Variants in CNTNAP4 observed in about 807,000 individuals in gnomAD.
CNTNAP4 encodes contactin-associated protein-like 4.
CNTNAP4 carries 98 observed loss-of-function variants against 148.4 expected under a neutral mutation model. The observed-to-expected ratio is 0.66, with a 90% confidence interval of 0.56 to 0.78. CNTNAP4 has a LOEUF of 0.78. CNTNAP4 is among the 30% of genes least tolerant of loss of function. The pLI is 0.00. For missense variants in CNTNAP4, 1,935 were observed against 1,565.6 expected (o/e 1.24, Z -3.98); for synonymous variants, 730 against 565.1 (o/e 1.29, Z -4.14).
intron 2 of CNTNAP4, among the ~76,000 whole-genome samples, chr16:76,350,624 A>C (rs73625342): frequency 0.011 from 1,710 of 152,336 alleles, 35 homozygotes; most frequent in African/African-American, 0.039. Context: ...CTTTGCTGTG[A>C]TCATAACTCT....
intron 3 of CNTNAP4, among the ~76,000 whole-genome samples, chr16:76,387,526 G>A (rs541197128): frequency 6.6e-6 from 1 of 152,074 alleles, no homozygotes; most frequent in Admixed American, 6.5e-5. Flanking sequence ...TTTAAATCAT[G>A]TACTAAGTAA....
Position 76,489,757 on chromosome 16 carries a change from C to G in CNTNAP4, c.1954C>G (p.Pro652Ala). The G allele has an allele frequency of 6.2e-7, 1 of 1,604,766 alleles. No homozygotes were observed. Among genetic ancestry groups the G allele is most frequent in the Non-Finnish European group, 8.5e-7 (1 of 1,175,244 alleles). ...AGTCAGAAATACTAATCCAGAGAACCCATATGCTGGGTTTTTCGAGTATGT... is the reference window on the plus strand; with the variant it reads ...AGTCAGAAATACTAATCCAGAGAACGCATATGCTGGGTTTTTCGAGTATGT... ...TRVRNTNPEN[P>A]YAGFFEYVAS... The change falls in exon 13 of 24, where the codon CCA becomes GCA. Residue 652 changes from proline to alanine, a missense_variant. Transcript: ENST00000611870.
chr16:76,419,303 G>C (rs4243117), intron 3 of CNTNAP4, among the ~76,000 whole-genome samples: 49,556 of 151,734 alleles, frequency 0.33, 8,745 homozygotes, highest in Middle Eastern at 0.48. Context: ...AGTTGGGAGA[G>C]GTTCTGGCAA....
chr16:76,364,044 C>G (rs991929546), intron 3 of CNTNAP4, among the ~76,000 whole-genome samples: 5 of 151,768 alleles, frequency 3.3e-5, no homozygotes, highest in Admixed American at 6.6e-5. Flanking sequence ...TGAGACCACC[C>G]TAGCCAGTAT....
intron 3 of CNTNAP4, among the ~76,000 whole-genome samples, chr16:76,363,844 G>A (rs1442487295): frequency 6.6e-6 from 1 of 152,108 alleles, no homozygotes; most frequent in Non-Finnish European, 1.5e-5. Flanking sequence ...AGTGTCGGTG[G>A]CTCTGTTTCA....
chr16:76,376,579 A>T (rs916892316), intron 3 of CNTNAP4, among the ~76,000 whole-genome samples: 5 of 152,228 alleles, frequency 3.3e-5, no homozygotes, highest in African/African-American at 9.6e-5. Flanking sequence ...TTGGAAAAGT[A>T]TCCCCACACA....
rs200677608 is a variant in CNTNAP4, at chr16:76,298,523, TGTGTGTGA to T, written c.86-17888_86-17881del. Reference sequence around the variant, plus strand: ...GTGTGTGTGTGTGTGTGTGTGTGTGTGTGTGTGAGGTAAGGGGCTGTGCTGAGAAGCAG... The same window carrying T: ...GTGTGTGTGTGTGTGTGTGTGTGTGTGGTAAGGGGCTGTGCTGAGAAGCAG... On this transcript the variant is annotated intron_variant, in intron 1 of 23. Coordinates refer to ENST00000611870, the MANE Select transcript of CNTNAP4 (RefSeq NM_033401.5). 0.016 allele frequency among the ~76,000 whole-genome samples: 2,191 copies of T among 138,852 alleles called. 136 individuals are homozygous for T. The East Asian group carries it at 0.2, about 13-fold the overall frequency. The allele number at this position is 138,852 out of a possible 152,430, so 91.1% of individuals were successfully genotyped here. A position where few individuals can be genotyped will look rare whatever the true frequency, so the allele number is the denominator to read the frequency against.
chr16:76,448,668 T>C (rs2080340655), intron 5 of CNTNAP4, 99 bp from the exon 6 acceptor site: 1 of 830,592 alleles, frequency 1.2e-6, no homozygotes, highest in South Asian at 2.0e-5. Flanking sequence ...TAGAAGGAGA[T>C]TGCAATTATT....
chr16:76,481,432 C>A (rs34271733), intron 12 of CNTNAP4, among the ~76,000 whole-genome samples: 8,047 of 152,270 alleles, frequency 0.053, 261 homozygotes, highest in Middle Eastern at 0.092. Context: ...GTAATCCCAG[C>A]ACTTTGGGAA....
intron 21 of CNTNAP4, among the ~76,000 whole-genome samples, chr16:76,543,707 G>T (rs186294068): frequency 6.6e-6 from 1 of 152,300 alleles, no homozygotes; most frequent in African/African-American, 2.4e-5. Context: ...GTTTGCCAGG[G>T]ATGAGCCTGT....
rs566796934 is a variant in CNTNAP4, at chr16:76,311,619, G to A, written c.86-4794G>A. Reference sequence around the variant, plus strand: ...TCTATGTGGAAATTCTAATATGACTGAGAAAAGTCAAATAAAATGTAATAC... The same window carrying A: ...TCTATGTGGAAATTCTAATATGACTAAGAAAAGTCAAATAAAATGTAATAC... On this transcript the variant is annotated intron_variant, in intron 1 of 23. Coordinates refer to ENST00000611870, the MANE Select transcript of CNTNAP4 (RefSeq NM_033401.5). Among the ~76,000 whole-genome samples, 20 of 152,284 alleles carry A rather than the reference G, an allele frequency of 1.3e-4. No homozygotes were observed. In the East Asian group the frequency reaches 3.7e-3, roughly 28 times the overall value.
chr16:76,513,045 A>T (rs2083089427), intron 15 of CNTNAP4, among the ~76,000 whole-genome samples: 2 of 152,162 alleles, frequency 1.3e-5, no homozygotes, highest in Admixed American at 6.5e-5. Context: ...GTAATGGTAA[A>T]TGGGGGAGAA....
At chr16:76,467,695 C>A (rs1242341358) in intron 10 of CNTNAP4, among the ~76,000 whole-genome samples, 172 bp downstream of exon 10, 1 of 152,128 alleles carries the variant, frequency 6.6e-6, no homozygotes, top group Non-Finnish European at 1.5e-5. Context: ...GTTTAAATGT[C>A]ATATTTTAAA....
In CNTNAP4 at chr16:76,558,650, A is replaced by C. The variant is rs747346250; in HGVS notation, c.3894A>C (p.Ala1298=). Residue 1298 remains alanine (A), a synonymous_variant, in exon 24 of 24, where the codon GCA becomes GCC. Transcript: ENST00000611870. ...AAAGTGAGCTTAATATACAAAATGC[A>C]GTCAATGAAAATCAGAAAGAGTACT... is the stretch of plus-strand genomic sequence containing the variant. ...VLKSELNIQN[A]VNENQKEYFF The C allele has an allele frequency of 2.5e-6, 4 of 1,610,670 alleles. No homozygotes were observed. The highest frequency in any genetic ancestry group is 2.2e-5 in the East Asian group (1 of 44,836).
At chr16:76,316,192 T>G in intron 1 of CNTNAP4, 2 of 585,530 alleles carry the variant, frequency 3.4e-6, no homozygotes, top group South Asian at 2.3e-5. Context: ...TATAATTTTA[T>G]GATTTTTAAA....
chr16:76,553,094 ATTAACATTGGAAATC>A (rs2085029266), intron 21 of CNTNAP4, among the ~76,000 whole-genome samples, 174 bp from the exon 22 acceptor site: 1 of 152,218 alleles, frequency 6.6e-6, no homozygotes, highest in Non-Finnish European at 1.5e-5. Flanking sequence ...ACTTGACTTC[ATTAACATTGGAAATC>A]TTACCAATAG....
chr16:76,524,324 G>A (rs1053354792), intron 17 of CNTNAP4, among the ~76,000 whole-genome samples: 1 of 152,070 alleles, frequency 6.6e-6, no homozygotes, highest in Admixed American at 6.6e-5. Flanking sequence ...TCAGGAAATT[G>A]ACAAAGCTAT....
At chr16:76,288,229 C>T (rs924692342) in intron 1 of CNTNAP4, among the ~76,000 whole-genome samples, 1 of 152,160 alleles carries the variant, frequency 6.6e-6, no homozygotes, top group South Asian at 2.1e-4. Flanking sequence ...TAAGACGTGC[C>T]TGTTTTGCCT....
At chr16:76,424,759 AAAAAAC>A (rs10523743) in intron 3 of CNTNAP4, among the ~76,000 whole-genome samples, 58,540 of 150,816 alleles carry the variant, frequency 0.39, 11,530 homozygotes, top group Middle Eastern at 0.49. Context: ...ACTCGGTCTA[AAAAAAC>A]AAAAACAAAA....
Sources: gnomAD v4.1 joint callset for allele counts (sites outside exome capture counted in the v4.1 genomes callset) on GRCh38, gnomAD v4.1.1 for gene constraint, MANE v1.5 for transcripts, NCBI Gene and HGNC (gene_info 2026-07-23, HGNC 2026-07-21) for gene names.